PPP1R21: variants seen among roughly 807,000 people sequenced by gnomAD.
PPP1R21 encodes the protein KLRAQ motif containing 1.
PPP1R21 carries 85 observed loss-of-function variants against 112.8 expected under a neutral mutation model. The ratio of observed to expected loss-of-function variants is 0.75; its 90% CI spans 0.63 to 0.90. The LOEUF (loss-of-function observed/expected upper bound fraction) is 0.90. Among genes scored for constraint, PPP1R21 ranks in the 40% least tolerant of loss-of-function variants. PPP1R21 has a pLI of 0.00. For synonymous variants in PPP1R21, 381 were observed against 322.3 expected, an observed-to-expected ratio of 1.18 and a Z score of -1.95; for missense variants, 1,199 against 901.5, an observed-to-expected ratio of 1.33 and a Z score of -4.23.
chr2:48,450,185 A>G lies in PPP1R21; in HGVS notation c.58-823A>G, dbSNP rs1261497438. Among the ~76,000 whole-genome samples, 5 of 152,322 alleles carry G rather than the reference A, an allele frequency of 3.3e-5. No individual in the cohort carries two copies. The East Asian group carries it at 7.7e-4, about 23-fold the overall frequency. On this transcript the variant is annotated intron_variant, in intron 1 of 21. Coordinates refer to ENST00000294952, the MANE Select transcript of PPP1R21 (RefSeq NM_001135629.3). ...CTCACTGCTTTTTTCACTTAAATGT[A>G]GCTTTGTGAAATAGCAGCCAGTATT...
intron 14 of PPP1R21, among the ~76,000 whole-genome samples, chr2:48,487,326 CTG>C (rs1558491126): frequency 6.6e-6 from 1 of 152,124 alleles, no homozygotes; most frequent in Non-Finnish European, 1.5e-5. Flanking sequence ...AATACTACCT[CTG>C]TGGTTTTGTA....
At chr2:48,495,266 C>G (rs543951663) in intron 15 of PPP1R21, among the ~76,000 whole-genome samples, 1 of 152,120 alleles carries the variant, frequency 6.6e-6, no homozygotes, top group African/African-American at 2.4e-5. Flanking sequence ...TGCAATGGCA[C>G]AATCTCTGCT....
intron 17 of PPP1R21, among the ~76,000 whole-genome samples, chr2:48,504,638 C>T (rs1670288429): frequency 1.3e-5 from 2 of 149,270 alleles, no homozygotes; most frequent in Admixed American, 6.7e-5. Flanking sequence ...GAGACTCTGT[C>T]TCAGAAACAA....
Position 48,445,543 on chromosome 2 carries a change from C to T in PPP1R21, c.57+4533C>T, listed in dbSNP as rs530429450. On this transcript the variant is annotated intron_variant, in intron 1 of 21. Coordinates refer to ENST00000294952, the MANE Select transcript of PPP1R21 (RefSeq NM_001135629.3). ...GGGGTGGGGCCTGAGATTCTGCCTCCAGGTAAAACTATTGCAGCTGTCCAA... is the reference window on the plus strand; with the variant it reads ...GGGGTGGGGCCTGAGATTCTGCCTCTAGGTAAAACTATTGCAGCTGTCCAA... 7.9e-5 allele frequency among the ~76,000 whole-genome samples: 12 copies of T among 152,254 alleles called. No homozygotes were observed. In the South Asian group the frequency reaches 2.5e-3, roughly 32 times the overall value.
At chr2:48,454,488 A>G in intron 2 of PPP1R21, 107 bp from the exon 3 acceptor site, 4 of 1,379,292 alleles carry the variant, frequency 2.9e-6, no homozygotes, top group Admixed American at 2.1e-5. Context: ...AATTTCCTAA[A>G]GCAAGAGGTT....
intron 2 of PPP1R21, among the ~76,000 whole-genome samples, chr2:48,454,194 G>A (rs991274289): frequency 6.6e-6 from 1 of 152,162 alleles, no homozygotes; most frequent in African/African-American, 2.4e-5. Context: ...TCGGGTGGCG[G>A]AGGTTGCAGT....
intron 2 of PPP1R21, among the ~76,000 whole-genome samples, chr2:48,454,095 C>G (rs188716896): frequency 6.6e-6 from 1 of 152,008 alleles, no homozygotes; most frequent in Non-Finnish European, 1.5e-5. Flanking sequence ...GCTGTCTCTA[C>G]TAAAAATACA....
intron 21 of PPP1R21, among the ~76,000 whole-genome samples, chr2:48,511,670 T>C (rs544925775): frequency 4.2e-5 from 6 of 141,352 alleles, no homozygotes; most frequent in African/African-American, 1.6e-4. Context: ...GAGAGCAGAG[T>C]GGGCAATATA....
intron 3 of PPP1R21, among the ~76,000 whole-genome samples, chr2:48,455,911 G>T (rs1055517857): frequency 3.3e-5 from 5 of 151,638 alleles, no homozygotes; most frequent in Non-Finnish European, 4.4e-5. Flanking sequence ...CTGCTCGGGG[G>T]AGCTGAGGCA....
chr2:48,470,568 C>G (rs562345554), intron 9 of PPP1R21, among the ~76,000 whole-genome samples: 1 of 151,820 alleles, frequency 6.6e-6, no homozygotes, highest in African/African-American at 2.4e-5. Flanking sequence ...TAATTACATC[C>G]TTGGAATTTG....
At chr2:48,499,674 C>T (rs184801636) in intron 17 of PPP1R21, among the ~76,000 whole-genome samples, 162 of 152,342 alleles carry the variant, frequency 1.1e-3, no homozygotes, top group African/African-American at 3.8e-3. Context: ...ATAATATACA[C>T]ATACTGTAGA....
chr2:48,475,260 G>A (rs545892399), intron 12 of PPP1R21, among the ~76,000 whole-genome samples: 1 of 152,250 alleles, frequency 6.6e-6, no homozygotes, highest in Admixed American at 6.5e-5. Context: ...GGCTGAGGTG[G>A]GAGGATCACT....
chr2:48,494,809 C>T (rs1329472469), intron 15 of PPP1R21, among the ~76,000 whole-genome samples: 4 of 152,158 alleles, frequency 2.6e-5, no homozygotes, highest in Admixed American at 6.5e-5. Context: ...CCTCTGCCTT[C>T]GGGGTTCAAA....
intron 6 of PPP1R21, 127 bp from the exon 7 acceptor site, chr2:48,461,011 C>A: frequency 7.1e-7 from 1 of 1,415,272 alleles, no homozygotes; most frequent in East Asian, 2.9e-5. Flanking sequence ...AACTCTCTGC[C>A]AAGAGTATCC....
At chr2:48,445,577 C>G (rs4364065) in intron 1 of PPP1R21, among the ~76,000 whole-genome samples, 11,374 of 152,220 alleles carry the variant, frequency 0.075, 599 homozygotes, top group Non-Finnish European at 0.11. Flanking sequence ...AAAGACCACA[C>G]TTGGGACAAG....
chr2:48,458,268 CTG>C (rs1386184264), intron 4 of PPP1R21, 41 bp downstream of exon 4: 1 of 1,333,616 alleles, frequency 7.5e-7, no homozygotes, highest in Non-Finnish European at 1.1e-6. Flanking sequence ...AAAAATGGGT[CTG>C]TGATCTGTTA....
intron 16 of PPP1R21, 72 bp downstream of exon 16, chr2:48,495,843 G>T (rs2103624875): frequency 2.3e-6 from 2 of 871,068 alleles, no homozygotes; most frequent in South Asian, 2.7e-5. Flanking sequence ...AAGTTTTTAA[G>T]ATACGTAGAA....
intron 15 of PPP1R21, among the ~76,000 whole-genome samples, 190 bp from the exon 16 acceptor site, chr2:48,495,489 A>G (rs1236347375): frequency 6.6e-6 from 1 of 152,188 alleles, no homozygotes; most frequent in Non-Finnish European, 1.5e-5. Context: ...GGTGTGAGCC[A>G]CCGCGCCCAG....
intron 11 of PPP1R21, among the ~76,000 whole-genome samples, chr2:48,471,939 C>T (rs1168300657): frequency 6.6e-6 from 1 of 152,012 alleles, no homozygotes; most frequent in Non-Finnish European, 1.5e-5. Context: ...AAGATTTAGC[C>T]CTTTTTTAAA....
Sources: gnomAD v4.1 joint callset for allele counts (sites outside exome capture counted in the v4.1 genomes callset) on GRCh38, gnomAD v4.1.1 for gene constraint, MANE v1.5 for transcripts, NCBI Gene and HGNC (gene_info 2026-07-23, HGNC 2026-07-21) for gene names.